ADGRL3: variants seen among roughly 807,000 people sequenced by gnomAD.
ADGRL3 encodes calcium-independent alpha-latrotoxin receptor 3.
A neutral mutation model predicts 153.5 loss-of-function variants in ADGRL3; 62 were observed. The ratio of observed to expected loss-of-function variants is 0.40; its 90% CI spans 0.33 to 0.50. The LOEUF is 0.50. Ranked by LOEUF, ADGRL3 falls within the 20% of genes least tolerant of loss-of-function variation. The pLI, the probability that ADGRL3 is intolerant of heterozygous loss-of-function variation, is 0.47. For synonymous variants in ADGRL3, 710 were observed against 672.5 expected (o/e 1.06, Z -0.86); for missense variants, 1,641 against 1,859.4 (o/e 0.88, Z 2.16).
At chr4:61,596,430 G>A (rs1317830154) in intron 5 of ADGRL3, among the ~76,000 whole-genome samples, 1 of 152,102 alleles carries the variant, frequency 6.6e-6, no homozygotes, top group Admixed American at 6.5e-5. Context: ...ATTTTTACTT[G>A]TGCCACACTG....
chr4:61,744,050 A>G (rs1006835848), intron 8 of ADGRL3, among the ~76,000 whole-genome samples: 5 of 152,192 alleles, frequency 3.3e-5, no homozygotes, highest in African/African-American at 7.2e-5. Flanking sequence ...ACGGCACACC[A>G]GGAGATTATA....
intron 5 of ADGRL3, among the ~76,000 whole-genome samples, chr4:61,596,164 C>T (rs2149460693): frequency 6.6e-6 from 1 of 152,272 alleles, no homozygotes; most frequent in Non-Finnish European, 1.5e-5. Context: ...TGGAGCTTTT[C>T]TATGTGCAGA....
chr4:61,273,781 T>G (rs2093324605), intron 1 of ADGRL3, among the ~76,000 whole-genome samples: 2 of 152,162 alleles, frequency 1.3e-5, no homozygotes, highest in African/African-American at 4.8e-5. Context: ...CCGCACCCCG[T>G]GGAATTGGTG....
chr4:61,384,979 A>AGTT (rs1337328788), intron 2 of ADGRL3, among the ~76,000 whole-genome samples: 1 of 152,172 alleles, frequency 6.6e-6, no homozygotes, highest in African/African-American at 2.4e-5. Flanking sequence ...CTGAAAGTAG[A>AGTT]GAGCAGTGAT....
At chr4:61,756,260 G>C (rs1345448071) in intron 8 of ADGRL3, among the ~76,000 whole-genome samples, 1 of 151,756 alleles carries the variant, frequency 6.6e-6, no homozygotes, top group Admixed American at 6.6e-5. Context: ...AGCATGGAAT[G>C]TTCTTCCATT....
At chr4:62,014,672 A>G (rs2099203105) in intron 21 of ADGRL3, among the ~76,000 whole-genome samples, 2 of 152,184 alleles carry the variant, frequency 1.3e-5, no homozygotes, top group Non-Finnish European at 2.9e-5. Context: ...AAATACTGTT[A>G]TACATAAATC....
At chr4:61,369,611 G>T (rs2096481073) in intron 1 of ADGRL3, among the ~76,000 whole-genome samples, 1 of 152,116 alleles carries the variant, frequency 6.6e-6, no homozygotes, top group Non-Finnish European at 1.5e-5. Flanking sequence ...GCTTTTTGAT[G>T]TGCTGCTGGA....
chr4:61,655,347 A>C lies in ADGRL3; in HGVS notation c.474-21479A>C, dbSNP rs997302749. Among the ~76,000 whole-genome samples the C allele has an allele frequency of 3.9e-5, 6 of 152,310 alleles. No individual in the cohort carries two copies. In the South Asian group the frequency reaches 6.2e-4, roughly 16 times the overall value. On this transcript the variant is annotated intron_variant, in intron 5 of 26. Coordinates refer to ENST00000683033, the MANE Select transcript of ADGRL3 (RefSeq NM_001387552.1). Reference sequence around the variant, plus strand: ...GCCTGCCTCTCTGCTTCTGTGATGCAATTTGAAAATTATACATTCAAAAAG... The same window carrying C: ...GCCTGCCTCTCTGCTTCTGTGATGCCATTTGAAAATTATACATTCAAAAAG...
chr4:61,439,370 T>C (rs1466513652), intron 2 of ADGRL3, among the ~76,000 whole-genome samples: 1 of 152,202 alleles, frequency 6.6e-6, no homozygotes, highest in Non-Finnish European at 1.5e-5. Flanking sequence ...TGGTTTCAAG[T>C]AATGTTTGAA....
rs577615353 is a variant in ADGRL3, at chr4:61,521,328, A to G, written c.259+3810A>G. 4.6e-5 allele frequency among the ~76,000 whole-genome samples: 7 copies of G among 152,302 alleles called. No individual in the cohort carries two copies. The East Asian group carries it at 1.2e-3, about 25-fold the overall frequency. ...GCCTAGTTCAGGATGATTGAAACAT[A>G]GAAGTCCCAAGGATAATTTCTAGAT... On this transcript the variant is annotated intron_variant, in intron 4 of 26. Coordinates refer to ENST00000683033, the MANE Select transcript of ADGRL3 (RefSeq NM_001387552.1).
chr4:61,632,850 G>A (rs913531491), intron 5 of ADGRL3, among the ~76,000 whole-genome samples: 2 of 151,990 alleles, frequency 1.3e-5, no homozygotes, highest in Non-Finnish European at 2.9e-5. Flanking sequence ...GGATTGATGC[G>A]TTATATACAA....
intron 1 of ADGRL3, among the ~76,000 whole-genome samples, chr4:61,344,913 A>G (rs1006919878): frequency 2.0e-5 from 3 of 150,202 alleles, no homozygotes; most frequent in African/African-American, 7.3e-5. Flanking sequence ...CTGCCTCCCG[A>G]GTAGCTGGGA....
intron 2 of ADGRL3, among the ~76,000 whole-genome samples, chr4:61,487,136 T>C (rs545106925): frequency 6.6e-6 from 1 of 152,286 alleles, no homozygotes; most frequent in East Asian, 1.9e-4. Context: ...CTCCTTTACA[T>C]AAGGTATGCT....
intron 8 of ADGRL3, among the ~76,000 whole-genome samples, chr4:61,745,151 G>A (rs1392723719): frequency 6.6e-6 from 1 of 152,046 alleles, no homozygotes; most frequent in Non-Finnish European, 1.5e-5. Flanking sequence ...GAAGCGAGAA[G>A]GGAAGTTTAG....
At chr4:61,865,831 C>G (rs6551664) in intron 9 of ADGRL3, among the ~76,000 whole-genome samples, 1 of 152,138 alleles carries the variant, frequency 6.6e-6, no homozygotes, top group Non-Finnish European at 1.5e-5. Flanking sequence ...TCTTAAGTGA[C>G]TGTCTTTGAC....
rs1318896381 is a variant in ADGRL3, at chr4:62,013,127, T to C, written c.3395+14862T>C. Among the ~76,000 whole-genome samples, 13 of 152,222 alleles carry C rather than the reference T, an allele frequency of 8.5e-5. No homozygotes were observed. The East Asian group carries it at 2.5e-3, about 29-fold the overall frequency. On this transcript the variant is annotated intron_variant, in intron 21 of 26. Transcript: ENST00000683033. Reference sequence around the variant, plus strand: ...CTAGGAAATATTCAGCTGAGGGAGTTGTGATGGGAAAGAGGTTTGGAATTC... The same window carrying C: ...CTAGGAAATATTCAGCTGAGGGAGTCGTGATGGGAAAGAGGTTTGGAATTC...
At chr4:61,865,756 C>G (rs1050107880) in intron 9 of ADGRL3, among the ~76,000 whole-genome samples, 3 of 152,142 alleles carry the variant, frequency 2.0e-5, no homozygotes, top group African/African-American at 7.2e-5. Context: ...TAGACTACCT[C>G]TGACTCCTAC....
chr4:61,295,267 A>C (rs1175378656), intron 1 of ADGRL3, among the ~76,000 whole-genome samples: 1 of 152,150 alleles, frequency 6.6e-6, no homozygotes, highest in Admixed American at 6.6e-5. Context: ...CCCAAAGTAC[A>C]AGAATAGTGA....
At chr4:61,336,669 T>A (rs1159539467) in intron 1 of ADGRL3, among the ~76,000 whole-genome samples, 1 of 151,972 alleles carries the variant, frequency 6.6e-6, no homozygotes. Context: ...CTGCCAGCCC[T>A]CTCTGTGGGA....
Sources: allele counts gnomAD v4.1 joint callset (sites outside exome capture counted in the v4.1 genomes callset), GRCh38; gene constraint gnomAD v4.1.1; transcripts MANE v1.5; gene names NCBI Gene and HGNC (gene_info 2026-07-23, HGNC 2026-07-21).